The following MAGI2 variants were observed in gnomAD, a reference collection of about 807,000 sequenced individuals.
The protein encoded by MAGI2 is membrane associated guanylate kinase, WW and PDZ domain containing 2.
A neutral mutation model predicts 133.3 loss-of-function variants in MAGI2; 35 were observed. That is an observed-to-expected ratio of 0.26 (90% CI 0.20 to 0.35). The LOEUF (loss-of-function observed/expected upper bound fraction) is 0.35, where lower values mean the gene tolerates loss of function less well. Ranked by LOEUF, MAGI2 falls within the 10% of genes least tolerant of loss-of-function variation. The probability of loss-of-function intolerance (pLI) is 1.00; values close to 1 mark genes in which losing one functional copy is unlikely to be tolerated. For synonymous variants in MAGI2, 729 were observed against 710.6 expected (o/e 1.03, Z -0.41); for missense variants, 1,636 against 1,863.4 (o/e 0.88, Z 2.25).
intron 1 of MAGI2, among the ~76,000 whole-genome samples, chr7:79,206,242 T>C (rs1829050763): frequency 6.8e-6 from 1 of 147,882 alleles, no homozygotes. Context: ...AGAGCAGAAA[T>C]AAATAAAATA....
At chr7:78,954,407 T>A (rs1037855958) in intron 2 of MAGI2, among the ~76,000 whole-genome samples, 5 of 152,060 alleles carry the variant, frequency 3.3e-5, no homozygotes, top group African/African-American at 1.2e-4. Context: ...CTCCAAAGAA[T>A]CACTGGAAAA....
chr7:78,890,796 C>A (rs1454549329), intron 2 of MAGI2, among the ~76,000 whole-genome samples: 1 of 151,858 alleles, frequency 6.6e-6, no homozygotes, highest in South Asian at 2.1e-4. Flanking sequence ...AAATTGACAC[C>A]CTAACATCAC....
At chr7:78,759,492 A>C (rs559549983) in intron 2 of MAGI2, among the ~76,000 whole-genome samples, 1 of 152,290 alleles carries the variant, frequency 6.6e-6, no homozygotes, top group Non-Finnish European at 1.5e-5. Flanking sequence ...TGTAACCAAA[A>C]GGAGAATTTT....
In MAGI2 at chr7:79,188,778, T is replaced by G. The variant is rs1025989900; in HGVS notation, c.302-181572A>C. On this transcript the variant is annotated intron_variant, in intron 1 of 21. Coordinates refer to ENST00000354212, the MANE Select transcript of MAGI2 (RefSeq NM_012301.4). ...ATTAACATTAAATGAAAAATGTAAA[T>G]GAAATATGAATAAAAGGGAAAAATA... Among the ~76,000 whole-genome samples the G allele has an allele frequency of 2.2e-4, 34 of 151,986 alleles. 1 individual carries two copies. Among genetic ancestry groups the G allele is most frequent in the African/African-American group, 7.7e-4 (32 of 41,426 alleles).
At position 78,754,342 on chromosome 7, in the gene MAGI2, G is replaced by A. The variant is rs573167053; in HGVS notation, c.419-127103C>T. Among the ~76,000 whole-genome samples the A allele has an allele frequency of 3.1e-4, 47 of 151,618 alleles. No individual in the cohort carries two copies. In the East Asian group the frequency reaches 8.0e-3, roughly 26 times the overall value. On this transcript the variant is annotated intron_variant, in intron 2 of 21. Transcript: ENST00000354212. ...GCCATGATCGTACCACTGCACTCCA[G>A]CCTGGGCAGCAGAGCCAGACCCTGT...
chr7:78,792,594 A>C (rs1787264386), intron 2 of MAGI2, among the ~76,000 whole-genome samples: 1 of 152,238 alleles, frequency 6.6e-6, no homozygotes, highest in African/African-American at 2.4e-5. Flanking sequence ...CATTCCAATA[A>C]GTACAGATTG....
chr7:79,051,294 C>T (rs896030997), intron 1 of MAGI2, among the ~76,000 whole-genome samples: 1 of 152,170 alleles, frequency 6.6e-6, no homozygotes, highest in Admixed American at 6.5e-5. Context: ...GTTACCAAGA[C>T]CCCTCATTGT....
intron 2 of MAGI2, among the ~76,000 whole-genome samples, chr7:78,907,194 G>T (rs140402502): frequency 1.1e-3 from 173 of 152,262 alleles, no homozygotes; most frequent in African/African-American, 4.0e-3. Flanking sequence ...TCTTTAAATG[G>T]CCTGAGACCC....
intron 1 of MAGI2, among the ~76,000 whole-genome samples, chr7:79,021,193 CT>C (rs1809293231): frequency 6.6e-6 from 1 of 152,216 alleles, no homozygotes; most frequent in Admixed American, 6.5e-5. Flanking sequence ...TGGGTGGAGC[CT>C]TCATGAAGAA....
chr7:78,985,594 C>T (rs1294401049), intron 2 of MAGI2, among the ~76,000 whole-genome samples: 4 of 151,914 alleles, frequency 2.6e-5, no homozygotes, highest in Non-Finnish European at 5.9e-5. Context: ...TAAAATAGTC[C>T]TTTTTCACTT....
In MAGI2 at chr7:79,116,627, T is replaced by C. The variant is rs1468255479; in HGVS notation, c.302-109421A>G. ...TGGATATGCGTCCCTCCAAAACTCA[T>C]GTTGAAAGATGACTGCCAATATTGG... On this transcript the variant is annotated intron_variant, in intron 1 of 21. Transcript: ENST00000354212. Among the ~76,000 whole-genome samples, 4 of 152,144 alleles carry C rather than the reference T, an allele frequency of 2.6e-5. No individual in the cohort carries two copies. The East Asian group carries it at 7.7e-4, about 29-fold the overall frequency.
At chr7:78,371,395 C>T (rs1347214197) in intron 6 of MAGI2, among the ~76,000 whole-genome samples, 1 of 151,814 alleles carries the variant, frequency 6.6e-6, no homozygotes, top group African/African-American at 2.4e-5. Context: ...TTAACATCAT[C>T]TTATGAATGC....
At chr7:79,420,327 A>C (rs1392312644) in intron 1 of MAGI2, among the ~76,000 whole-genome samples, 1 of 152,006 alleles carries the variant, frequency 6.6e-6, no homozygotes, top group South Asian at 2.1e-4. Flanking sequence ...AATATAACAC[A>C]TGACATTAAA....
At chr7:78,584,593 T>A (rs1329097793) in intron 3 of MAGI2, among the ~76,000 whole-genome samples, 1 of 152,216 alleles carries the variant, frequency 6.6e-6, no homozygotes, top group East Asian at 1.9e-4. Context: ...ATATGTGTGA[T>A]GAAGACCAAG....
intron 9 of MAGI2, among the ~76,000 whole-genome samples, chr7:78,274,188 C>T (rs1794840233): frequency 6.6e-6 from 1 of 152,192 alleles, no homozygotes; most frequent in South Asian, 2.1e-4. Flanking sequence ...TTCTAACAGT[C>T]AGGATCCTCT....
intron 9 of MAGI2, among the ~76,000 whole-genome samples, chr7:78,271,711 A>G (rs1212272461): frequency 6.6e-6 from 1 of 152,048 alleles, no homozygotes; most frequent in East Asian, 1.9e-4. Flanking sequence ...GAATTTATCC[A>G]TTTCTTCTAG....
At chr7:78,982,339 T>A (rs566744361) in intron 2 of MAGI2, among the ~76,000 whole-genome samples, 2 of 151,948 alleles carry the variant, frequency 1.3e-5, no homozygotes, top group South Asian at 4.1e-4. Context: ...CTTCAGTTTA[T>A]TCATGATAAA....
At chr7:79,171,501 CT>C (rs1381050910) in intron 1 of MAGI2, among the ~76,000 whole-genome samples, 1 of 151,280 alleles carries the variant, frequency 6.6e-6, no homozygotes. Context: ...AATTTGATTC[CT>C]AAGAAAAGAT....
intron 16 of MAGI2, among the ~76,000 whole-genome samples, chr7:78,155,250 C>A (rs1824274817): frequency 6.6e-6 from 1 of 152,120 alleles, no homozygotes; most frequent in African/African-American, 2.4e-5. Context: ...AGGTCTGAAA[C>A]AAATACATAA....
Sources: gnomAD v4.1 joint callset for allele counts (sites outside exome capture counted in the v4.1 genomes callset) on GRCh38, gnomAD v4.1.1 for gene constraint, MANE v1.5 for transcripts, NCBI Gene and HGNC (gene_info 2026-07-23, HGNC 2026-07-21) for gene names.